GATAD2A: variants seen among roughly 807,000 people sequenced by gnomAD.
GATAD2A encodes GATA zinc finger domain containing 2A.
A neutral mutation model predicts 68.5 loss-of-function variants in GATAD2A; 12 were observed. That is an observed-to-expected ratio of 0.18 (90% CI 0.11 to 0.28). The LOEUF is 0.28. Ranked by LOEUF, GATAD2A falls within the 10% of genes least tolerant of loss-of-function variation. The pLI is 1.00. For missense variants in GATAD2A, 755 were observed against 868.5 expected (o/e 0.87, Z 1.64); for synonymous variants, 410 against 375.3 (o/e 1.09, Z -1.07).
At chr19:19,461,266 A>G (rs975673549) in intron 1 of GATAD2A, among the ~76,000 whole-genome samples, 1 of 152,224 alleles carries the variant, frequency 6.6e-6, no homozygotes, top group Admixed American at 6.5e-5. Context: ...TGGGTGCCAC[A>G]GATGGCATTT....
chr19:19,488,605 C>T (rs546104670), intron 2 of GATAD2A, among the ~76,000 whole-genome samples: 4 of 152,322 alleles, frequency 2.6e-5, no homozygotes, highest in East Asian at 1.9e-4. Context: ...TTTATAATCC[C>T]GGCCTCTCCT....
At chr19:19,471,887 G>A (rs1050931208) in intron 2 of GATAD2A, among the ~76,000 whole-genome samples, 4 of 152,198 alleles carry the variant, frequency 2.6e-5, no homozygotes, top group Non-Finnish European at 5.9e-5. Context: ...GGCAGGCAGA[G>A]GAGGCTGCTT....
At chr19:19,441,364 T>C (rs1348883341) in intron 1 of GATAD2A, among the ~76,000 whole-genome samples, 1 of 152,030 alleles carries the variant, frequency 6.6e-6, no homozygotes, top group Non-Finnish European at 1.5e-5. Context: ...GAAAATGCAA[T>C]AAAAACCCAA....
chr19:19,412,611 G>A (rs1315005695), intron 1 of GATAD2A, among the ~76,000 whole-genome samples: 4 of 152,008 alleles, frequency 2.6e-5, no homozygotes, highest in Non-Finnish European at 5.9e-5. Context: ...CAGCCTGGGC[G>A]ACAGAGTGAG....
At chr19:19,447,160 A>AC (rs2055821324) in intron 1 of GATAD2A, among the ~76,000 whole-genome samples, 1 of 151,560 alleles carries the variant, frequency 6.6e-6, no homozygotes, top group East Asian at 1.9e-4. Flanking sequence ...GGGGATAGAG[A>AC]CCCCCTGGGG....
At chr19:19,405,315 G>A (rs903937072), upstream of GATAD2A, among the ~76,000 whole-genome samples, 1 of 152,226 alleles carries the variant, frequency 6.6e-6, no homozygotes, top group African/African-American at 2.4e-5. Flanking sequence ...ATTCTAACCC[G>A]CGTTTCAGAG....
intron 1 of GATAD2A, among the ~76,000 whole-genome samples, chr19:19,397,235 T>C (rs1274077297): frequency 6.6e-6 from 1 of 152,146 alleles, no homozygotes; most frequent in African/African-American, 2.4e-5. Context: ...CAAAATAGTA[T>C]TTAAATTGAG....
intron 2 of GATAD2A, among the ~76,000 whole-genome samples, chr19:19,478,210 T>G (rs1159789395): frequency 6.6e-6 from 1 of 152,174 alleles, no homozygotes; most frequent in Non-Finnish European, 1.5e-5. Flanking sequence ...GGAAATCCTT[T>G]TCCTGAAGCA....
chr19:19,401,876 A>G (rs1370000922), upstream of GATAD2A: 2 of 152,182 alleles, frequency 1.3e-5, no homozygotes, highest in Non-Finnish European at 1.5e-5. Flanking sequence ...ATTTGGCCCC[A>G]ATTTCTTCTC....
intron 2 of GATAD2A, among the ~76,000 whole-genome samples, chr19:19,466,511 G>C (rs563175991): frequency 1.3e-5 from 2 of 152,360 alleles, no homozygotes; most frequent in Non-Finnish European, 2.9e-5. Flanking sequence ...GGGACAGCTG[G>C]TGGCTCCTCA....
At chr19:19,477,010 G>A (rs2058718805) in intron 2 of GATAD2A, among the ~76,000 whole-genome samples, 1 of 152,174 alleles carries the variant, frequency 6.6e-6, no homozygotes, top group Non-Finnish European at 1.5e-5. Flanking sequence ...TCTCTGTGTG[G>A]CCTGGGATAG....
In GATAD2A at chr19:19,508,484, AGCCCCGCTGG is replaced by A. The variant is rs2060961302; in HGVS notation, c.*3017_*3026del. ...AGAGGGAATGAGGCAACCCAGTGGC[AGCCCCGCTGG>A]GCCCCGTGGCTCCTGCTCTCCTATT... On this transcript the variant is annotated 3_prime_UTR_variant, in exon 12 of 12. Transcript: ENST00000683918. The A allele has an allele frequency of 6.6e-6, 1 of 152,292 alleles. No homozygotes were observed. Among genetic ancestry groups the A allele is most frequent in the South Asian group, 2.1e-4 (1 of 4,832 alleles). 9.4% of individuals were successfully genotyped at this position (152,292 alleles called of 1,614,324 possible).
chr19:19,431,948 TGGG>T (rs1175444673), intron 1 of GATAD2A, among the ~76,000 whole-genome samples: 2 of 151,854 alleles, frequency 1.3e-5, no homozygotes, highest in Admixed American at 1.3e-4. Flanking sequence ...GCAGGGGTGG[TGGG>T]GGATCACACG....
intron 1 of GATAD2A, chr19:19,436,195 C>T (rs1337904276): frequency 7.3e-7 from 1 of 1,365,876 alleles, no homozygotes; most frequent in Non-Finnish European, 9.8e-7. Context: ...ACTGGTAGGA[C>T]CAGCACCCCA....
At chr19:19,462,335 G>A (rs774466325) in intron 1 of GATAD2A, among the ~76,000 whole-genome samples, 1 of 152,186 alleles carries the variant, frequency 6.6e-6, no homozygotes, top group Non-Finnish European at 1.5e-5. Context: ...CAGGCCCTGC[G>A]TCATTGGTCT....
rs1385495967 is a variant in GATAD2A at position 19,507,318 on chromosome 19, C to G, written c.*1844C>G. 1.3e-5 allele frequency: 2 copies of G among 151,572 alleles called. No homozygotes were observed. The highest frequency in any genetic ancestry group is 2.9e-5 in the Non-Finnish European group (2 of 67,968). 9.4% of individuals were successfully genotyped at this position (151,572 alleles called of 1,614,324 possible). A position where few individuals can be genotyped will look rare whatever the true frequency, so the allele number is the denominator to read the frequency against. ...TCCTCGCATTTTTCTGTGTGCCTGG[C>G]AAATAAATACCTGTCTCCTACGACC... On this transcript the variant is annotated 3_prime_UTR_variant, in exon 12 of 12. Transcript: ENST00000683918.
intron 1 of GATAD2A, among the ~76,000 whole-genome samples, chr19:19,443,538 C>T (rs144018083): frequency 6.6e-6 from 1 of 152,238 alleles, no homozygotes; most frequent in Non-Finnish European, 1.5e-5. Flanking sequence ...ATACTGACCC[C>T]TTTAGCACAA....
At position 19,505,390 on chromosome 19, in the gene GATAD2A, C is replaced by T. The variant is rs1367825271; in HGVS notation, c.1821C>T (p.Ser607=). Residue 607 remains serine, a synonymous_variant, in exon 12 of 12, where the codon AGC becomes AGT. Coordinates refer to ENST00000683918, the MANE Select transcript of GATAD2A (RefSeq NM_001384528.1). ...GCCCAAGCCTGGCGGTGCACAAGAG[C>T]TCCTCGGCCGTGGACCGCCAGCGAG... is the stretch of plus-strand genomic sequence containing the variant. ...FVSPSLAVHK[S]SSAVDRQREY... 1.2e-6 allele frequency: 2 copies of T among 1,612,852 alleles called. No individual in the cohort carries two copies. Among genetic ancestry groups the T allele is most frequent in the Admixed American group, 1.7e-5 (1 of 59,958 alleles).
At chr19:19,485,323 A>G (rs1010329720) in intron 2 of GATAD2A, among the ~76,000 whole-genome samples, 3 of 152,148 alleles carry the variant, frequency 2.0e-5, no homozygotes, top group Non-Finnish European at 4.4e-5. Flanking sequence ...TCAGTCTGTC[A>G]GTTCTGCTGG....
Sources: allele counts gnomAD v4.1 joint callset (sites outside exome capture counted in the v4.1 genomes callset), GRCh38; gene constraint gnomAD v4.1.1; transcripts MANE v1.5; gene names NCBI Gene and HGNC (gene_info 2026-07-23, HGNC 2026-07-21).